DLGAP2: variants seen among roughly 807,000 people sequenced by gnomAD.
DLGAP2 encodes disks large-associated protein 2.
A neutral mutation model predicts 100.3 loss-of-function variants in DLGAP2; 26 were observed. The observed-to-expected ratio is 0.26, with a 90% CI of 0.19 to 0.36. The LOEUF is 0.36. DLGAP2 is among the 10% of genes least tolerant of loss of function. The pLI is 1.00. For missense variants in DLGAP2, 1,858 were observed against 1,453.2 expected, an observed-to-expected ratio of 1.28 and a Z score of -4.53; for synonymous variants, 886 against 630.1, an observed-to-expected ratio of 1.41 and a Z score of -6.08.
chr8:1,011,511 C>G (rs1801285406), intron 2 of DLGAP2, among the ~76,000 whole-genome samples: 1 of 148,372 alleles, frequency 6.7e-6, no homozygotes, highest in Non-Finnish European at 1.5e-5. Context: ...GGGTCTCAGT[C>G]TGCACAGTGA....
intron 1 of DLGAP2, among the ~76,000 whole-genome samples, chr8:839,554 G>A (rs371721544): frequency 6.6e-6 from 1 of 152,116 alleles, no homozygotes; most frequent in Non-Finnish European, 1.5e-5. Context: ...TACCATGGTG[G>A]TTCCCAGGCC....
chr8:1,368,000 CA>C (rs1484045259), intron 3 of DLGAP2, among the ~76,000 whole-genome samples: 1 of 152,220 alleles, frequency 6.6e-6, no homozygotes, highest in Non-Finnish European at 1.5e-5. Context: ...CCTCAGTCAC[CA>C]GATGGGGACT....
At position 918,231 on chromosome 8, in the gene DLGAP2, C is replaced by G. The variant is rs137955868; in HGVS notation, c.73+10265C>G. Among the ~76,000 whole-genome samples the G allele has an allele frequency of 6.6e-5, 10 of 152,268 alleles. 1 individual carries two copies. The East Asian group carries it at 1.9e-3, about 29-fold the overall frequency. ...ATGGAAATGTGTGTTTGTGCATGCA[C>G]TTACTGGAAATTCAAAACATTTTAG... On this transcript the variant is annotated intron_variant, in intron 2 of 14. Coordinates refer to ENST00000637795, the MANE Select transcript of DLGAP2 (RefSeq NM_001346810.2).
At chr8:1,328,403 C>G (rs546926640) in intron 3 of DLGAP2, among the ~76,000 whole-genome samples, 2 of 152,322 alleles carry the variant, frequency 1.3e-5, no homozygotes, top group Non-Finnish European at 2.9e-5. Flanking sequence ...ACTGCAACCT[C>G]TGCCTCCTGG....
chr8:1,534,478 C>CT (rs1302059661), intron 4 of DLGAP2, among the ~76,000 whole-genome samples: 26 of 152,292 alleles, frequency 1.7e-4, no homozygotes, highest in African/African-American at 6.3e-4. Context: ...ATGTGCTCAC[C>CT]ATAATGCTTA....
At chr8:1,213,903 C>T (rs1472305197) in intron 2 of DLGAP2, among the ~76,000 whole-genome samples, 1 of 152,236 alleles carries the variant, frequency 6.6e-6, no homozygotes, top group African/African-American at 2.4e-5. Flanking sequence ...GTCCTCACTC[C>T]TTTTGCTGGC....
intron 2 of DLGAP2, among the ~76,000 whole-genome samples, chr8:957,702 G>C (rs970486070): frequency 6.6e-6 from 1 of 152,146 alleles, no homozygotes. Context: ...TGTCAGTCTA[G>C]TTTTATTAAT....
At chr8:1,528,731 G>C (rs1372019100) in intron 4 of DLGAP2, among the ~76,000 whole-genome samples, 1 of 152,184 alleles carries the variant, frequency 6.6e-6, no homozygotes, top group Non-Finnish European at 1.5e-5. Context: ...TGGCAGTAAG[G>C]AGCCTGGCCT....
intron 3 of DLGAP2, among the ~76,000 whole-genome samples, chr8:1,350,098 A>G (rs1801672876): frequency 1.3e-5 from 2 of 152,248 alleles, no homozygotes. Flanking sequence ...TAATTTATTC[A>G]TATTTGTAAA....
intron 12 of DLGAP2, 113 bp from the exon 13 acceptor site, chr8:1,691,422 G>T: frequency 1.2e-6 from 1 of 856,560 alleles, no homozygotes. Context: ...CGATGAAGTC[G>T]TCAGTTTTCA....
rs1011049029 is a variant in DLGAP2 at position 1,011,033 on chromosome 8, C to T, written c.73+103067C>T. The stretch of plus-strand genomic sequence containing the variant: ...CATAGTGAGCCCTGGAATGTGGGGC[C>T]TCAGTCTGCATGGTGATTCTGGGCA... On this transcript the variant is annotated intron_variant, in intron 2 of 14. Coordinates refer to ENST00000637795, the MANE Select transcript of DLGAP2 (RefSeq NM_001346810.2). Among the ~76,000 whole-genome samples the T allele has an allele frequency of 5.3e-5, 8 of 151,912 alleles. No homozygotes were observed. The South Asian group carries it at 1.7e-3, about 32-fold the overall frequency.
chr8:1,251,786 G>A (rs963847445), intron 2 of DLGAP2, among the ~76,000 whole-genome samples: 39 of 152,344 alleles, frequency 2.6e-4, no homozygotes, highest in African/African-American at 7.5e-4. Context: ...GGGTTGTGGT[G>A]TCCCACAGTC....
intron 6 of DLGAP2, among the ~76,000 whole-genome samples, chr8:1,572,530 G>T (rs1426720081): frequency 2.4e-5 from 3 of 125,808 alleles, no homozygotes; most frequent in Non-Finnish European, 5.0e-5. Context: ...GAGAGAGGGT[G>T]AACTGTGGGG....
At chr8:1,599,533 C>G (rs558733802) in intron 6 of DLGAP2, among the ~76,000 whole-genome samples, 1 of 152,216 alleles carries the variant, frequency 6.6e-6, no homozygotes, top group East Asian at 1.9e-4. Context: ...ATTTATGAAT[C>G]TGGGTCCTCC....
chr8:1,259,220 G>T (rs1799292017), intron 3 of DLGAP2, among the ~76,000 whole-genome samples: 1 of 152,188 alleles, frequency 6.6e-6, no homozygotes, highest in African/African-American at 2.4e-5. Flanking sequence ...TTCGCCCAAG[G>T]TGCCAATGAG....
At chr8:1,469,520 G>A (rs143589040) in intron 3 of DLGAP2, among the ~76,000 whole-genome samples, 26 of 152,284 alleles carry the variant, frequency 1.7e-4, no homozygotes, top group Non-Finnish European at 2.9e-4. Flanking sequence ...GGAGAGAGAC[G>A]TCTGCTGCTG....
chr8:1,372,163 G>A (rs544616318), intron 3 of DLGAP2, among the ~76,000 whole-genome samples: 2 of 152,100 alleles, frequency 1.3e-5, no homozygotes, highest in Admixed American at 6.5e-5. Context: ...TGGGTGGGGC[G>A]CAGGTCACCG....
At chr8:1,386,896 C>A (rs1159083239) in intron 3 of DLGAP2, among the ~76,000 whole-genome samples, 1 of 152,094 alleles carries the variant, frequency 6.6e-6, no homozygotes, top group Non-Finnish European at 1.5e-5. Context: ...AAATTATGCA[C>A]ATTAAAAAGT....
chr8:813,284 TGA>T (rs1352484763), intron 1 of DLGAP2, among the ~76,000 whole-genome samples: 1 of 152,090 alleles, frequency 6.6e-6, no homozygotes, highest in Non-Finnish European at 1.5e-5. Flanking sequence ...ACCAAAATGC[TGA>T]GACATTTTGG....
Sources: gnomAD v4.1 joint callset for allele counts (sites outside exome capture counted in the v4.1 genomes callset) on GRCh38, gnomAD v4.1.1 for gene constraint, MANE v1.5 for transcripts, NCBI Gene and HGNC (gene_info 2026-07-23, HGNC 2026-07-21) for gene names.